The following GRIP2 variants were observed in gnomAD, a reference collection of about 807,000 sequenced individuals.
GRIP2 encodes glutamate receptor-interacting protein 2.
A neutral mutation model predicts 108.3 loss-of-function variants in GRIP2; 58 were observed. That is an observed-to-expected ratio of 0.54 (90% CI 0.43 to 0.67). The LOEUF is 0.67. Ranked by LOEUF, GRIP2 falls within the 30% of genes least tolerant of loss-of-function variation. The pLI, the probability that GRIP2 is intolerant of heterozygous loss-of-function variation, is 0.00. For synonymous variants in GRIP2, 586 were observed against 598.2 expected (o/e 0.98, Z 0.30); for missense variants, 1,278 against 1,430.6 (o/e 0.89, Z 1.72).
At chr3:14,593,077 C>T in the GRIP2 span, among the ~76,000 whole-genome samples, 1 of 152,304 alleles carries the variant, frequency 6.6e-6, no homozygotes, top group Non-Finnish European at 1.5e-5. Context: ...ACGTGGACAC[C>T]ACTGGGAACT....
the GRIP2 span, among the ~76,000 whole-genome samples, chr3:14,562,972 G>A: frequency 6.6e-6 from 1 of 152,154 alleles, no homozygotes; most frequent in East Asian, 1.9e-4. Context: ...CATTCCACAG[G>A]AAGAATGGCC....
the GRIP2 span, among the ~76,000 whole-genome samples, chr3:14,600,356 C>A: frequency 6.6e-6 from 1 of 152,182 alleles, no homozygotes; most frequent in African/African-American, 2.4e-5. Flanking sequence ...TCTGACCACC[C>A]CGCGAGGCTG....
In GRIP2 at chr3:14,521,209, C is replaced by A; in HGVS notation, c.712+433G>T. On this transcript the variant is annotated intron_variant, in intron 7 of 23. Coordinates refer to ENST00000621039, the MANE Select transcript of GRIP2 (RefSeq NM_001080423.4). The surrounding 1 kb of genome is among the most constrained non-coding windows in gnomAD (Gnocchi z 5.1). ...TGCTGGCCATGCTCCTGCCTCAGGG[C>A]CTTTGCACTTACTCTTCCGCCCTCC... 6.0e-6 allele frequency: 1 copy of A among 165,860 alleles called. No individual in the cohort carries two copies. Among genetic ancestry groups the A allele is most frequent in the Non-Finnish European group, 1.3e-5 (1 of 77,356 alleles). The allele number at this position is 165,860 out of a possible 1,614,324, so 10.3% of individuals were successfully genotyped here. A position where few individuals can be genotyped will look rare whatever the true frequency, so the allele number is the denominator to read the frequency against.
At chr3:14,586,517 AGGCT>A in the GRIP2 span, among the ~76,000 whole-genome samples, 1 of 152,178 alleles carries the variant, frequency 6.6e-6, no homozygotes, top group African/African-American at 2.4e-5. Context: ...CCTCCCCCGG[AGGCT>A]GGTTCCCTGA....
chr3:14,586,108 C>T, the GRIP2 span, among the ~76,000 whole-genome samples: 1 of 152,204 alleles, frequency 6.6e-6, no homozygotes, highest in Non-Finnish European at 1.5e-5. Flanking sequence ...GGCCTTTGCT[C>T]CTGTGGTTCC....
the GRIP2 span, among the ~76,000 whole-genome samples, chr3:14,592,221 A>G: frequency 9.5e-4 from 144 of 152,232 alleles, no homozygotes; most frequent in African/African-American, 3.3e-3. Flanking sequence ...GGAGTGGGGG[A>G]ACTTTCAGAG....
At chr3:14,585,115 C>G in the GRIP2 span, among the ~76,000 whole-genome samples, 2 of 152,220 alleles carry the variant, frequency 1.3e-5, no homozygotes, top group African/African-American at 4.8e-5. Flanking sequence ...AGCTTTGCCT[C>G]CCGGGTTCAA....
In GRIP2 at chr3:14,507,770, A is replaced by G. The variant is rs749639360; in HGVS notation, c.2079-70T>C. On this transcript the variant is annotated intron_variant, in intron 17 of 23. Coordinates refer to ENST00000621039, the MANE Select transcript of GRIP2 (RefSeq NM_001080423.4). The surrounding 1 kb of genome is among the most constrained non-coding windows in gnomAD (Gnocchi z 4.6). ...GGCCTCAGAGTGGCAGTCTGCCCTC[A>G]GGGAATCCAGGAGAGCCACAAAGCA... 211 of 1,552,372 alleles carry G rather than the reference A, an allele frequency of 1.4e-4. No homozygotes were observed. The highest frequency in any genetic ancestry group is 4.7e-4 in the Admixed American group (27 of 57,882).
chr3:14,588,983 C>A, the GRIP2 span, among the ~76,000 whole-genome samples: 27 of 152,362 alleles, frequency 1.8e-4, no homozygotes, highest in African/African-American at 6.5e-4. Context: ...GTCTCCACCC[C>A]ACTGAGCAGA....
intron 7 of GRIP2, 183 bp from the exon 8 acceptor site, chr3:14,520,720 A>C (rs1217704813): frequency 7.5e-6 from 5 of 669,456 alleles, no homozygotes; most frequent in Non-Finnish European, 7.5e-6. Flanking sequence ...TATCAATTTG[A>C]CAGATAAGAT....
intron 9 of GRIP2, among the ~76,000 whole-genome samples, chr3:14,518,811 T>C (rs939230408): frequency 1.3e-5 from 2 of 152,220 alleles, no homozygotes; most frequent in Admixed American, 6.5e-5. Context: ...GAGGAGTCAC[T>C]TCGCCTATCT....
At chr3:14,494,379 G>A (rs890312498) in intron 23 of GRIP2, among the ~76,000 whole-genome samples, 7 of 152,266 alleles carry the variant, frequency 4.6e-5, no homozygotes, top group African/African-American at 1.2e-4. Context: ...GCGGCACGGA[G>A]TGCCCAGTAC....
the GRIP2 span, chr3:14,574,352 G>A: frequency 1.4e-5 from 14 of 985,496 alleles, no homozygotes; most frequent in Non-Finnish European, 2.0e-5. Context: ...GCACAGCGAT[G>A]CGCTGGTTCC....
the GRIP2 span, among the ~76,000 whole-genome samples, chr3:14,593,650 C>T: frequency 3.3e-5 from 5 of 152,216 alleles, no homozygotes; most frequent in Admixed American, 6.5e-5. Context: ...AGTTCCAGTG[C>T]GCTACAGGTT....
At chr3:14,582,133 TAA>T in the GRIP2 span, among the ~76,000 whole-genome samples, 1 of 152,230 alleles carries the variant, frequency 6.6e-6, no homozygotes, top group Admixed American at 6.5e-5. Flanking sequence ...CTGCAGGGTA[TAA>T]GAGTCTCGCA....
intron 13 of GRIP2, among the ~76,000 whole-genome samples, chr3:14,513,244 C>A (rs1374626661): frequency 6.6e-6 from 1 of 152,188 alleles, no homozygotes; most frequent in Non-Finnish European, 1.5e-5. Context: ...TATGCCTCAC[C>A]TAACCCAAGT....
intron 3 of GRIP2, among the ~76,000 whole-genome samples, chr3:14,524,763 C>G (rs1352320158): frequency 6.6e-6 from 1 of 152,206 alleles, no homozygotes; most frequent in Non-Finnish European, 1.5e-5. Context: ...CGCTGGTCTG[C>G]CTGCTTTTCC....
At chr3:14,572,275 TA>T in the GRIP2 span, among the ~76,000 whole-genome samples, 1 of 150,744 alleles carries the variant, frequency 6.6e-6, no homozygotes, top group Non-Finnish European at 1.5e-5. Flanking sequence ...TTTTTTTTTC[TA>T]AAACGCTCCC....
upstream of GRIP2, among the ~76,000 whole-genome samples, chr3:14,546,585 C>A (rs551172567): frequency 3.9e-5 from 6 of 152,116 alleles, no homozygotes; most frequent in East Asian, 1.2e-3. Context: ...TGGGAGAGGT[C>A]AGAAAGCATG....
Sources: gnomAD v4.1 joint callset for allele counts (sites outside exome capture counted in the v4.1 genomes callset) on GRCh38, gnomAD v4.1.1 for gene constraint, Gnocchi (gnomAD v3.1) non-coding constraint, MANE v1.5 for transcripts, NCBI Gene and HGNC (gene_info 2026-07-23, HGNC 2026-07-21) for gene names.